DTNB: variants seen among roughly 807,000 people sequenced by gnomAD.
DTNB encodes dystrobrevin beta.
In DTNB, 63 loss-of-function variants were observed where a neutral mutation model predicts 90.7. The observed-to-expected ratio is 0.69, with a 90% CI of 0.57 to 0.86. The LOEUF (loss-of-function observed/expected upper bound fraction) is 0.86. DTNB is among the 40% of genes least tolerant of loss of function. The pLI, the probability that DTNB is intolerant of heterozygous loss-of-function variation, is 0.00. For synonymous variants in DTNB, 277 were observed against 286.7 expected (o/e 0.97, Z 0.34); for missense variants, 744 against 807.1 (o/e 0.92, Z 0.95).
At chr2:25,543,573 G>A (rs1037291141) in intron 8 of DTNB, among the ~76,000 whole-genome samples, 2 of 151,982 alleles carry the variant, frequency 1.3e-5, no homozygotes, top group Non-Finnish European at 2.9e-5. Context: ...TAAAGTGCTG[G>A]GATTATAGGC....
chr2:25,658,211 C>A (rs563780274), intron 1 of DTNB, among the ~76,000 whole-genome samples: 1 of 150,296 alleles, frequency 6.7e-6, no homozygotes, highest in East Asian at 1.9e-4. Context: ...GTGCTGAAAT[C>A]GCACCATTGC....
chr2:25,419,520 GC>G lies in DTNB; in HGVS notation c.1569del (p.Lys523AsnfsTer43). On this transcript the variant is annotated frameshift_variant, in exon 16 of 21. Coordinates refer to ENST00000406818, the MANE Select transcript of DTNB (RefSeq NM_021907.5). LOFTEE classifies it high-confidence loss of function. ...LMKLLKEEEQ[K>X]QAAQATGSPH... ...AAATTCCGAAGTTCACTTACTGCCT[GC>G]TTTTGCTCTTCCTCCTGGAGTGTTG... 1 of 1,558,552 alleles carries G rather than the reference GC, an allele frequency of 6.4e-7. No individual in the cohort carries two copies. The highest frequency in any genetic ancestry group is 8.7e-7 in the Non-Finnish European group (1 of 1,150,808).
At chr2:25,563,052 G>A (rs184633262) in intron 8 of DTNB, among the ~76,000 whole-genome samples, 2 of 152,178 alleles carry the variant, frequency 1.3e-5, no homozygotes, top group Non-Finnish European at 2.9e-5. Context: ...TTACAGGCAT[G>A]AGCCACCATG....
At chr2:25,651,878 G>GA (rs1236568360) in intron 2 of DTNB, among the ~76,000 whole-genome samples, 2 of 151,878 alleles carry the variant, frequency 1.3e-5, no homozygotes, top group Non-Finnish European at 2.9e-5. Flanking sequence ...TTCACTGGGG[G>GA]AAAAAAAGAG....
At chr2:25,526,737 TAAGA>T (rs1428432185) in intron 9 of DTNB, among the ~76,000 whole-genome samples, 3 of 152,068 alleles carry the variant, frequency 2.0e-5, no homozygotes, top group Non-Finnish European at 4.4e-5. Context: ...CAATACTTTT[TAAGA>T]ACGTATGCTA....
intron 10 of DTNB, among the ~76,000 whole-genome samples, chr2:25,481,410 T>TAA: frequency 4.4e-5 from 1 of 22,590 alleles, no homozygotes. Flanking sequence ...GTCTCCAAAT[T>TAA]TAAAAAAAAA....
chr2:25,622,442 T>G (rs982957054), intron 4 of DTNB, among the ~76,000 whole-genome samples: 5 of 152,220 alleles, frequency 3.3e-5, no homozygotes, highest in African/African-American at 1.2e-4. Flanking sequence ...ATTGTGCCAC[T>G]GCACTAGAGC....
chr2:25,504,385 A>T (rs765655649), intron 9 of DTNB, among the ~76,000 whole-genome samples: 1 of 150,566 alleles, frequency 6.6e-6, no homozygotes, highest in African/African-American at 2.4e-5. Context: ...GAAAGAAAGA[A>T]GGAAAGAAGG....
intron 3 of DTNB, among the ~76,000 whole-genome samples, chr2:25,628,837 A>T (rs1190938118): frequency 6.6e-6 from 1 of 152,254 alleles, no homozygotes; most frequent in Non-Finnish European, 1.5e-5. Context: ...ATACAACTGC[A>T]TTAAGTAAAA....
chr2:25,528,140 GATC>G (rs1390473506), intron 9 of DTNB, among the ~76,000 whole-genome samples: 1 of 152,074 alleles, frequency 6.6e-6, no homozygotes, highest in Non-Finnish European at 1.5e-5. Flanking sequence ...AAAAGTCTTT[GATC>G]ATCAATAGAG....
chr2:25,606,046 T>C (rs1194562798), intron 5 of DTNB, among the ~76,000 whole-genome samples: 3 of 152,210 alleles, frequency 2.0e-5, no homozygotes, highest in African/African-American at 7.2e-5. Flanking sequence ...TCTAAATCTA[T>C]ATCTAATGGG....
At chr2:25,388,852 A>C (rs2040297743) in intron 16 of DTNB, among the ~76,000 whole-genome samples, 1 of 150,028 alleles carries the variant, frequency 6.7e-6, no homozygotes, top group African/African-American at 2.5e-5. Context: ...TTATATACGT[A>C]TATATCTTTT....
chr2:25,482,788 ATACG>A lies in DTNB; in HGVS notation c.1079+4_1079+7del, dbSNP rs1249564172. 3 of 1,613,670 alleles carry A rather than the reference ATACG, an allele frequency of 1.9e-6. No individual in the cohort carries two copies. Among genetic ancestry groups the A allele is most frequent in the Non-Finnish European group, 2.5e-6 (3 of 1,179,768 alleles). On this transcript the variant is annotated splice_donor_5th_base_variant and intron_variant, in intron 10 of 20. Coordinates refer to ENST00000406818, the MANE Select transcript of DTNB (RefSeq NM_021907.5). Reference sequence around the variant, plus strand: ...AACACCCAAGTCGAAGGCACAAGACATACGTACCTCTTGGTGGGAGTGGGCACTC... The same window carrying A: ...AACACCCAAGTCGAAGGCACAAGACATACCTCTTGGTGGGAGTGGGCACTC...
Position 25,387,144 on chromosome 2 carries a change from GT to G in DTNB, c.1825+144del. 1.5e-6 allele frequency: 1 copy of G among 687,604 alleles called. No homozygotes were observed. Among genetic ancestry groups the G allele is most frequent in the Non-Finnish European group, 2.5e-6 (1 of 407,662 alleles). The allele number at this position is 687,604 out of a possible 1,614,324, so 42.6% of individuals were successfully genotyped here. A position where few individuals can be genotyped will look rare whatever the true frequency, so the allele number is the denominator to read the frequency against. On this transcript the variant is annotated intron_variant, in intron 18 of 20. Transcript: ENST00000406818. This position sits in a 1 kb window ranked among gnomAD's most constrained non-coding sequence, Gnocchi z 4.5. ...GAGGCTCTCTGGGTGGAGACATCCA[GT>G]GTGTTCCTAGAAGGCAAAGTTAGGT...
intron 10 of DTNB, among the ~76,000 whole-genome samples, chr2:25,480,085 A>G (rs2064612986): frequency 6.6e-6 from 1 of 152,224 alleles, no homozygotes; most frequent in African/African-American, 2.4e-5. Flanking sequence ...TACTGGGGCC[A>G]TGAAAAGCCA....
intron 12 of DTNB, 96 bp from the exon 13 acceptor site, chr2:25,434,091 A>G: frequency 9.0e-7 from 1 of 1,110,030 alleles, no homozygotes; most frequent in Non-Finnish European, 1.3e-6. Flanking sequence ...TTTTTGACAT[A>G]TAATTTACAT....
At chr2:25,644,784 A>G (rs2079082599) in intron 2 of DTNB, among the ~76,000 whole-genome samples, 1 of 152,090 alleles carries the variant, frequency 6.6e-6, no homozygotes, top group African/African-American at 2.4e-5. Flanking sequence ...AGAAATAAGA[A>G]ATTTTTCAAC....
At chr2:25,592,057 T>C (rs1015750013) in intron 6 of DTNB, among the ~76,000 whole-genome samples, 2 of 101,570 alleles carry the variant, frequency 2.0e-5, no homozygotes, top group Admixed American at 2.4e-4. Context: ...TGAGACTCCA[T>C]CTCAAAAAAA....
intron 2 of DTNB, among the ~76,000 whole-genome samples, chr2:25,641,015 A>G (rs2078183451): frequency 6.6e-6 from 1 of 152,186 alleles, no homozygotes; most frequent in Non-Finnish European, 1.5e-5. Flanking sequence ...AAAGATAACT[A>G]TAATACTTTC....
Sources: gnomAD v4.1 joint callset for allele counts (sites outside exome capture counted in the v4.1 genomes callset) on GRCh38, gnomAD v4.1.1 for gene constraint, Gnocchi (gnomAD v3.1) non-coding constraint, MANE v1.5 for transcripts, NCBI Gene and HGNC (gene_info 2026-07-23, HGNC 2026-07-21) for gene names.